Variants in ZFP64 observed in about 807,000 individuals in gnomAD.
ZFP64 encodes zinc finger protein 64.
Under a neutral mutation model 51.6 loss-of-function variants are expected in ZFP64, and 14 were observed. The observed-to-expected ratio is 0.27, with a 90% CI of 0.18 to 0.42. ZFP64 has a LOEUF of 0.42. Among genes scored for constraint, ZFP64 ranks in the 10% least tolerant of loss-of-function variants. ZFP64 has a pLI of 1.00. For missense variants in ZFP64, 754 were observed against 906.8 expected, an observed-to-expected ratio of 0.83 and a Z score of 2.16; for synonymous variants, 375 against 361.4, an observed-to-expected ratio of 1.04 and a Z score of -0.43.
chr20:52,162,141 T>C (rs1981861721), intron 4 of ZFP64, among the ~76,000 whole-genome samples: 1 of 151,040 alleles, frequency 6.6e-6, no homozygotes, highest in South Asian at 2.1e-4. Flanking sequence ...GAACTAAAAA[T>C]ACAAAAATTA....
chr20:52,190,804 C>T (rs555096188), intron 1 of ZFP64, among the ~76,000 whole-genome samples: 150 of 152,278 alleles, frequency 9.9e-4, no homozygotes, highest in Non-Finnish European at 1.9e-3. Context: ...TTTCTGCAAA[C>T]CCCTGGTAGA....
At chr20:52,093,025 G>A (rs527615715) in intron 7 of ZFP64, among the ~76,000 whole-genome samples, 5 of 152,192 alleles carry the variant, frequency 3.3e-5, no homozygotes, top group South Asian at 2.1e-4. Context: ...GACGTACTCC[G>A]GCTAATGAAA....
intron 2 of ZFP64, among the ~76,000 whole-genome samples, chr20:52,174,775 TC>T (rs1983049224): frequency 6.6e-6 from 1 of 152,218 alleles, no homozygotes; most frequent in Non-Finnish European, 1.5e-5. Flanking sequence ...TTGGGTACAT[TC>T]CTTGAAATTG....
At chr20:52,122,995 CTT>C (rs79718879) in intron 5 of ZFP64, among the ~76,000 whole-genome samples, 1 of 150,322 alleles carries the variant, frequency 6.7e-6, no homozygotes, top group Non-Finnish European at 1.5e-5. Flanking sequence ...GGGATTGACT[CTT>C]TTTTTTTTCA....
At position 52,176,328 on chromosome 20, in the gene ZFP64, T is replaced by G. The variant is rs189291474; in HGVS notation, c.287-10303A>C. Among the ~76,000 whole-genome samples the G allele has an allele frequency of 3.5e-3, 530 of 152,090 alleles. 6 individuals are homozygous for G. Among genetic ancestry groups the G allele is most frequent in the African/African-American group, 0.012 (499 of 41,494 alleles). On this transcript the variant is annotated intron_variant, in intron 2 of 5. Coordinates refer to ENST00000216923, the MANE Select transcript of ZFP64 (RefSeq NM_018197.3). ...CCTTCTGAACAAAGAAGACATAAAC[T>G]TTGGGAATGGTCACAGGGCAGCAGT...
intron 2 of ZFP64, among the ~76,000 whole-genome samples, chr20:52,174,482 CAAAAAAAA>C (rs386393988): frequency 5.4e-5 from 3 of 56,026 alleles, no homozygotes; most frequent in Non-Finnish European, 1.0e-4. Context: ...GGCTCCATCT[CAAAAAAAA>C]AAAAAAAAAA....
At chr20:52,097,454 T>C (rs1474587302) in intron 6 of ZFP64, 5 of 49,450 alleles carry the variant, frequency 1.0e-4, no homozygotes, top group Admixed American at 3.3e-4. Flanking sequence ...GAAAAATAGA[T>C]TTTTTTTTTT....
At chr20:52,185,738 G>A (rs1159098359) in intron 2 of ZFP64, among the ~76,000 whole-genome samples, 3 of 151,906 alleles carry the variant, frequency 2.0e-5, no homozygotes, top group African/African-American at 7.3e-5. Flanking sequence ...CTGCCACCAC[G>A]CCCGGCTAAT....
At chr20:52,181,788 A>C (rs193268727) in intron 2 of ZFP64, among the ~76,000 whole-genome samples, 18 of 152,322 alleles carry the variant, frequency 1.2e-4, no homozygotes, top group Non-Finnish European at 2.1e-4. Flanking sequence ...CGGTATCCTT[A>C]ACAAGCTCCC....
chr20:52,088,440 C>A, exon 8 of ZFP64: 2 of 1,614,084 alleles, frequency 1.2e-6, no homozygotes, highest in Non-Finnish European at 1.7e-6. Context: ...TTGCGGCTGG[C>A]ATAGGGGCAG....
intron 5 of ZFP64, chr20:52,110,705 G>A (rs1018273348): frequency 1.3e-6 from 2 of 1,574,634 alleles, no homozygotes; most frequent in South Asian, 2.3e-5. Flanking sequence ...TTCAGCCAGC[G>A]CTGGATGGCT....
At chr20:52,092,298 C>T (rs140887576) in intron 7 of ZFP64, among the ~76,000 whole-genome samples, 1 of 152,134 alleles carries the variant, frequency 6.6e-6, no homozygotes, top group Non-Finnish European at 1.5e-5. Flanking sequence ...CCCTGGCCTC[C>T]ACCCACCAGA....
At chr20:52,098,698 A>T (rs2079018686) in intron 5 of ZFP64, 1 of 1,448,528 alleles carries the variant, frequency 6.9e-7, no homozygotes, top group Non-Finnish European at 9.4e-7. Flanking sequence ...TCCAGAAAAA[A>T]TTTAAAAAAA....
chr20:52,098,172 C>CAAAAAA (rs34173401), intron 6 of ZFP64, among the ~76,000 whole-genome samples: 1 of 124,094 alleles, frequency 8.1e-6, no homozygotes, highest in Non-Finnish European at 1.6e-5. Flanking sequence ...AAACTGTCTC[C>CAAAAAA]AAAAAAAAAA....
chr20:52,166,602 G>A (rs113047526), intron 2 of ZFP64, among the ~76,000 whole-genome samples: 28 of 152,086 alleles, frequency 1.8e-4, no homozygotes, highest in East Asian at 5.8e-4. Context: ...CTATAGGCAT[G>A]CACCACCATG....
At chr20:52,177,913 T>A (rs1412135222) in intron 2 of ZFP64, among the ~76,000 whole-genome samples, 1 of 151,496 alleles carries the variant, frequency 6.6e-6, no homozygotes, top group Admixed American at 6.6e-5. Flanking sequence ...GTGCCTGTAA[T>A]CCCAGCTACT....
chr20:52,131,045 G>A (rs780498601), intron 5 of ZFP64, among the ~76,000 whole-genome samples: 13 of 151,764 alleles, frequency 8.6e-5, no homozygotes, highest in Non-Finnish European at 7.4e-5. Flanking sequence ...CAGCCTGGGC[G>A]ACAGAGCAAG....
At chr20:52,142,377 GACACACACACACAC>G (rs142317072) in intron 5 of ZFP64, among the ~76,000 whole-genome samples, 6 of 118,368 alleles carry the variant, frequency 5.1e-5, no homozygotes, top group East Asian at 2.3e-4. Flanking sequence ...CACACACACA[GACACACACACACAC>G]ACACACACAC....
intron 5 of ZFP64, among the ~76,000 whole-genome samples, chr20:52,111,537 T>C (rs1464974869): frequency 6.6e-6 from 1 of 151,952 alleles, no homozygotes; most frequent in Non-Finnish European, 1.5e-5. Flanking sequence ...TTTTAATAGT[T>C]GTTAGATAAT....
Sources: allele counts gnomAD v4.1 joint callset (sites outside exome capture counted in the v4.1 genomes callset), GRCh38; gene constraint gnomAD v4.1.1; transcripts MANE v1.5; gene names NCBI Gene and HGNC (gene_info 2026-07-23, HGNC 2026-07-21).